The following FRAS1 variants were observed in gnomAD, a reference collection of about 807,000 sequenced individuals.
FRAS1 encodes the protein Fraser extracellular matrix complex subunit 1.
FRAS1 carries 290 observed loss-of-function variants against 435.2 expected under a neutral mutation model. The ratio of observed to expected loss-of-function variants is 0.67; its 90% CI spans 0.61 to 0.73. FRAS1 has a LOEUF of 0.73. Ranked by LOEUF, FRAS1 falls within the 30% of genes least tolerant of loss-of-function variation. The pLI, the probability that FRAS1 is intolerant of heterozygous loss-of-function variation, is 0.00. For synonymous variants in FRAS1, 1,800 were observed against 1,851.0 expected, an observed-to-expected ratio of 0.97 and a Z score of 0.71; for missense variants, 4,860 against 5,001.5, an observed-to-expected ratio of 0.97 and a Z score of 0.85.
intron 20 of FRAS1, among the ~76,000 whole-genome samples, chr4:78,343,407 T>C (rs1730474781): frequency 6.6e-6 from 1 of 151,606 alleles, no homozygotes; most frequent in Non-Finnish European, 1.5e-5. Context: ...GTAGACCAAC[T>C]GACTTCCCTC....
In FRAS1 at chr4:78,330,013, C is replaced by A. The variant is rs183419226; in HGVS notation, c.2138-3259C>A. 6.8e-4 allele frequency among the ~76,000 whole-genome samples: 103 copies of A among 152,256 alleles called. 1 individual carries two copies. The Middle Eastern group carries it at 0.027, about 40-fold the overall frequency. ...TGTCAAAATTGAGAGAATGAACAAG[C>A]CTTCATCGCCATGGCACATTTATAT... On this transcript the variant is annotated intron_variant, in intron 18 of 73. Transcript: ENST00000512123.
At chr4:78,142,769 G>A (rs962171557) in intron 2 of FRAS1, among the ~76,000 whole-genome samples, 1 of 152,134 alleles carries the variant, frequency 6.6e-6, no homozygotes, top group African/African-American at 2.4e-5. Flanking sequence ...TATGTTCCAT[G>A]CATTGTCTAA....
At chr4:78,494,690 C>T (rs949952922) in intron 59 of FRAS1, among the ~76,000 whole-genome samples, 2 of 152,106 alleles carry the variant, frequency 1.3e-5, no homozygotes, top group African/African-American at 4.8e-5. Flanking sequence ...AAATATTTAT[C>T]AGTATGTGTC....
intron 36 of FRAS1, among the ~76,000 whole-genome samples, chr4:78,429,993 C>T (rs1281675405): frequency 6.6e-6 from 1 of 152,148 alleles, no homozygotes; most frequent in East Asian, 1.9e-4. Flanking sequence ...CCCAGCTAGT[C>T]AGGGTTGACC....
At chr4:78,194,061 G>T (rs982632025) in intron 2 of FRAS1, among the ~76,000 whole-genome samples, 4 of 152,140 alleles carry the variant, frequency 2.6e-5, no homozygotes, top group African/African-American at 9.7e-5. Flanking sequence ...GAAATTCTGG[G>T]TTGGAAATTC....
chr4:78,315,966 T>C (rs571186326), intron 16 of FRAS1, among the ~76,000 whole-genome samples: 1 of 152,304 alleles, frequency 6.6e-6, no homozygotes, highest in African/African-American at 2.4e-5. Context: ...ATATTAATCA[T>C]CATTAGAGTT....
chr4:78,287,976 T>A (rs992160445), intron 14 of FRAS1, among the ~76,000 whole-genome samples: 3 of 152,200 alleles, frequency 2.0e-5, no homozygotes, highest in African/African-American at 7.2e-5. Context: ...CATGTCTATA[T>A]CCTCAGCATC....
chr4:78,170,309 A>G (rs762629031), intron 2 of FRAS1, among the ~76,000 whole-genome samples: 4 of 152,172 alleles, frequency 2.6e-5, no homozygotes, highest in African/African-American at 4.8e-5. Context: ...AGTTTGACAT[A>G]TAGTTGGTGC....
At chr4:78,302,800 T>G (rs1007769054) in intron 14 of FRAS1, among the ~76,000 whole-genome samples, 1 of 152,212 alleles carries the variant, frequency 6.6e-6, no homozygotes, top group African/African-American at 2.4e-5. Context: ...TCTCCCATTT[T>G]GTAGGTTGCC....
intron 9 of FRAS1, among the ~76,000 whole-genome samples, chr4:78,272,734 G>A (rs532021787): frequency 8.5e-5 from 13 of 152,330 alleles, no homozygotes; most frequent in African/African-American, 3.1e-4. Context: ...ATAGTTTGAA[G>A]TCAGGTAGCG....
intron 64 of FRAS1, among the ~76,000 whole-genome samples, chr4:78,512,806 G>T (rs542232361): frequency 6.6e-6 from 1 of 152,224 alleles, no homozygotes; most frequent in East Asian, 1.9e-4. Flanking sequence ...GGCTGGACAC[G>T]TAGTGCTGAT....
At chr4:78,356,367 G>A (rs768424735) in intron 20 of FRAS1, among the ~76,000 whole-genome samples, 3 of 152,054 alleles carry the variant, frequency 2.0e-5, no homozygotes, top group Non-Finnish European at 4.4e-5. Context: ...TAACAACTGT[G>A]TGGGAGCTAC....
At chr4:78,362,252 G>A (rs934898698) in intron 20 of FRAS1, among the ~76,000 whole-genome samples, 2 of 152,194 alleles carry the variant, frequency 1.3e-5, no homozygotes, top group South Asian at 2.1e-4. Flanking sequence ...ACTAACCTCA[G>A]TCCATTCATA....
At chr4:78,363,836 C>T (rs1731169233) in intron 21 of FRAS1, 72 bp from the exon 22 acceptor site, 7 of 1,528,332 alleles carry the variant, frequency 4.6e-6, no homozygotes, top group Non-Finnish European at 6.2e-6. Flanking sequence ...ACTTTATTAC[C>T]CACACTTGGG....
At chr4:78,437,160 A>G (rs929144525) in intron 38 of FRAS1, among the ~76,000 whole-genome samples, 19 of 152,206 alleles carry the variant, frequency 1.2e-4, no homozygotes, top group African/African-American at 4.3e-4. Context: ...ATGAGATTTG[A>G]AATATATAGT....
At chr4:78,078,562 AAAAAG>A (rs1740757559) in intron 2 of FRAS1, among the ~76,000 whole-genome samples, 1 of 152,168 alleles carries the variant, frequency 6.6e-6, no homozygotes, top group African/African-American at 2.4e-5. Context: ...GTGTAAAACT[AAAAAG>A]AAAAAATAAA....
At chr4:78,088,383 C>A (rs1317888941) in intron 2 of FRAS1, among the ~76,000 whole-genome samples, 2 of 152,110 alleles carry the variant, frequency 1.3e-5, no homozygotes, top group African/African-American at 4.8e-5. Flanking sequence ...GACTTCATGT[C>A]TAAAACACCA....
intron 2 of FRAS1, among the ~76,000 whole-genome samples, chr4:78,069,786 GT>G (rs5859604): frequency 0.69 from 101,591 of 146,826 alleles, 36,151 homozygotes; most frequent in Non-Finnish European, 0.79. Context: ...CCAGGAAATA[GT>G]TTTTTTTTTT....
rs1251590752 is a variant in FRAS1 at position 78,336,903 on chromosome 4, A to ATGCAGC, written c.2279-758_2279-753dup. Among the ~76,000 whole-genome samples, 6 of 152,270 alleles carry ATGCAGC rather than the reference A, an allele frequency of 3.9e-5. No homozygotes were observed. The South Asian group carries it at 1.2e-3, about 32-fold the overall frequency. On this transcript the variant is annotated intron_variant, in intron 19 of 73. Coordinates refer to ENST00000512123, the MANE Select transcript of FRAS1 (RefSeq NM_025074.7). ...TCCTGCTGCTCCCTTGGCAGCGTCA[A>ATGCAGC]TGCAGCTGCAGCTGCAGCCGCCTCT...
Sources: gnomAD v4.1 joint callset for allele counts (sites outside exome capture counted in the v4.1 genomes callset) on GRCh38, gnomAD v4.1.1 for gene constraint, MANE v1.5 for transcripts, NCBI Gene and HGNC (gene_info 2026-07-23, HGNC 2026-07-21) for gene names.